WWOX: variants seen among roughly 807,000 people sequenced by gnomAD.
The protein encoded by WWOX is WW domain-containing oxidoreductase.
A neutral mutation model predicts 46.2 loss-of-function variants in WWOX; 69 were observed. The observed-to-expected ratio is 1.49, with a 90% confidence interval of 1.23 to 1.82. WWOX has a LOEUF of 1.82. WWOX is among the 40% of genes most tolerant of loss of function. The pLI is 0.00. For synonymous variants in WWOX, 359 were observed against 202.6 expected, an observed-to-expected ratio of 1.77 and a Z score of -6.56; for missense variants, 919 against 542.6, an observed-to-expected ratio of 1.69 and a Z score of -6.89.
intron 5 of WWOX, among the ~76,000 whole-genome samples, chr16:78,254,516 T>TTTTTTTTTTTTG (rs1436220393): frequency 1.4e-5 from 2 of 139,200 alleles, no homozygotes; most frequent in African/African-American, 5.6e-5. Flanking sequence ...TTTTTTTTTT[T>TTTTTTTTTTTTG]TTTGTTTGAC....
intron 5 of WWOX, among the ~76,000 whole-genome samples, chr16:78,248,672 G>T (rs2037893625): frequency 1.3e-5 from 2 of 152,034 alleles, no homozygotes; most frequent in African/African-American, 4.8e-5. Flanking sequence ...GGAGGTGGAG[G>T]TTGCAGTGAG....
At chr16:78,632,041 AT>A (rs1320549469) in intron 8 of WWOX, among the ~76,000 whole-genome samples, 4 of 152,062 alleles carry the variant, frequency 2.6e-5, no homozygotes, top group African/African-American at 9.7e-5. Context: ...CTTAAAAAAA[AT>A]AAAAGTCTTC....
At chr16:78,707,963 G>A (rs2048359252) in intron 8 of WWOX, among the ~76,000 whole-genome samples, 1 of 152,162 alleles carries the variant, frequency 6.6e-6, no homozygotes, top group Non-Finnish European at 1.5e-5. Context: ...ACTTTTAATG[G>A]AATAGTAAAT....
At chr16:78,724,486 A>C (rs2048776862) in intron 8 of WWOX, among the ~76,000 whole-genome samples, 1 of 152,164 alleles carries the variant, frequency 6.6e-6, no homozygotes, top group Admixed American at 6.5e-5. Flanking sequence ...ATTATAATAA[A>C]TGTTTACGGT....
intron 8 of WWOX, among the ~76,000 whole-genome samples, chr16:78,961,126 C>T (rs1450560798): frequency 6.6e-6 from 1 of 152,120 alleles, no homozygotes; most frequent in Non-Finnish European, 1.5e-5. Context: ...AGACTCAAGC[C>T]AAGCATTCAA....
chr16:79,040,027 G>A (rs1187506405), intron 8 of WWOX, among the ~76,000 whole-genome samples: 1 of 152,092 alleles, frequency 6.6e-6, no homozygotes, highest in Non-Finnish European at 1.5e-5. Context: ...GTGTGCCCTT[G>A]GGCAATTAGC....
At chr16:78,197,127 C>T (rs11862030) in intron 5 of WWOX, among the ~76,000 whole-genome samples, 2 of 152,140 alleles carry the variant, frequency 1.3e-5, no homozygotes, top group African/African-American at 4.8e-5. Flanking sequence ...TCCTTGGTAC[C>T]TCTGCGCCAT....
At chr16:78,369,145 G>T (rs2081606898) in intron 5 of WWOX, among the ~76,000 whole-genome samples, 4 of 151,874 alleles carry the variant, frequency 2.6e-5, no homozygotes, top group African/African-American at 7.3e-5. Flanking sequence ...CATTAATGTG[G>T]AAAATTAGGA....
chr16:78,828,986 C>G (rs577404757), intron 8 of WWOX, among the ~76,000 whole-genome samples: 1 of 152,174 alleles, frequency 6.6e-6, no homozygotes, highest in East Asian at 1.9e-4. Flanking sequence ...AATGGCAAAG[C>G]TAGGATTTAA....
At chr16:78,686,788 A>G (rs2047871829) in intron 8 of WWOX, among the ~76,000 whole-genome samples, 2 of 152,330 alleles carry the variant, frequency 1.3e-5, no homozygotes, top group South Asian at 4.1e-4. Context: ...TAACAGAGAC[A>G]GAGTTGACTT....
chr16:78,961,481 A>G (rs1387084488), intron 8 of WWOX, among the ~76,000 whole-genome samples: 3 of 151,754 alleles, frequency 2.0e-5, no homozygotes, highest in Admixed American at 6.6e-5. Context: ...GGATGGATGG[A>G]TAGGTAGATG....
intron 5 of WWOX, among the ~76,000 whole-genome samples, chr16:78,258,882 C>G (rs1346834009): frequency 6.6e-5 from 10 of 152,118 alleles, no homozygotes; most frequent in Non-Finnish European, 1.2e-4. Flanking sequence ...CATTATCACA[C>G]TCCACAAATC....
At chr16:78,613,977 A>G (rs1232843079) in intron 8 of WWOX, among the ~76,000 whole-genome samples, 1 of 152,210 alleles carries the variant, frequency 6.6e-6, no homozygotes, top group African/African-American at 2.4e-5. Context: ...GCTTTCAGCT[A>G]CGTTGGCAGA....
chr16:78,383,571 TA>T (rs2082000346), intron 5 of WWOX, among the ~76,000 whole-genome samples: 1 of 152,180 alleles, frequency 6.6e-6, no homozygotes, highest in Admixed American at 6.5e-5. Context: ...TGTCAGCCAC[TA>T]CCTTCTTATT....
intron 8 of WWOX, among the ~76,000 whole-genome samples, chr16:78,836,015 T>C (rs1213549538): frequency 1.3e-5 from 2 of 152,356 alleles, no homozygotes; most frequent in African/African-American, 2.4e-5. Context: ...CTTCAATGTA[T>C]TTCAACTCCA....
chr16:78,238,491 G>T (rs914831564), intron 5 of WWOX, among the ~76,000 whole-genome samples: 2 of 152,084 alleles, frequency 1.3e-5, no homozygotes, highest in African/African-American at 4.8e-5. Flanking sequence ...TAGAGATGCG[G>T]TTTCTCTACC....
intron 8 of WWOX, among the ~76,000 whole-genome samples, chr16:78,973,236 G>T (rs1322005040): frequency 6.6e-6 from 1 of 152,206 alleles, no homozygotes; most frequent in Non-Finnish European, 1.5e-5. Context: ...AGCTTGTGTT[G>T]ATGGAATCTC....
intron 5 of WWOX, among the ~76,000 whole-genome samples, chr16:78,314,088 T>G (rs1045231788): frequency 2.0e-5 from 3 of 151,916 alleles, no homozygotes; most frequent in African/African-American, 7.2e-5. Context: ...AGAATTAAAA[T>G]AAAAAACACA....
chr16:79,077,425 T>C (rs1263345444), intron 8 of WWOX: 3 of 152,170 alleles, frequency 2.0e-5, no homozygotes, highest in South Asian at 2.1e-4. Context: ...CTGATGTGAA[T>C]GGTATTTCTG....
Sources: allele counts gnomAD v4.1 joint callset (sites outside exome capture counted in the v4.1 genomes callset), GRCh38; gene constraint gnomAD v4.1.1; transcripts MANE v1.5; gene names NCBI Gene and HGNC (gene_info 2026-07-23, HGNC 2026-07-21).